WWOX: variants seen among roughly 807,000 people sequenced by gnomAD.
WWOX encodes the protein WW domain-containing oxidoreductase.
In WWOX, 69 loss-of-function variants were observed where a neutral mutation model predicts 46.2. The observed-to-expected ratio is 1.49, with a 90% CI of 1.23 to 1.82. WWOX has a LOEUF of 1.82. Among genes scored for constraint, WWOX ranks in the 40% most tolerant of loss-of-function variants. WWOX has a pLI of 0.00. For synonymous variants in WWOX, 359 were observed against 202.6 expected (o/e 1.77, Z -6.56); for missense variants, 919 against 542.6 (o/e 1.69, Z -6.89).
chr16:78,615,896 G>A (rs558417628), intron 8 of WWOX, among the ~76,000 whole-genome samples: 10 of 151,910 alleles, frequency 6.6e-5, no homozygotes, highest in Middle Eastern at 3.4e-3. Context: ...GACTACAGGC[G>A]CCCGCCACCA....
At chr16:79,081,876 T>C (rs1234670955) in intron 8 of WWOX, among the ~76,000 whole-genome samples, 1 of 152,150 alleles carries the variant, frequency 6.6e-6, no homozygotes, top group Non-Finnish European at 1.5e-5. Context: ...CCCCTTTTTC[T>C]ATCCTAGTTT....
intron 8 of WWOX, among the ~76,000 whole-genome samples, chr16:79,009,731 G>T (rs1397918182): frequency 2.6e-5 from 4 of 152,142 alleles, no homozygotes; most frequent in African/African-American, 9.7e-5. Context: ...GATTACAGGT[G>T]TGAGCCACCG....
At chr16:78,721,186 T>C (rs2048680955) in intron 8 of WWOX, among the ~76,000 whole-genome samples, 1 of 152,300 alleles carries the variant, frequency 6.6e-6, no homozygotes, top group East Asian at 1.9e-4. Flanking sequence ...GCCATAAATA[T>C]ATTATAGGCC....
At chr16:78,909,732 G>T in intron 8 of WWOX, among the ~76,000 whole-genome samples, 1 of 152,242 alleles carries the variant, frequency 6.6e-6, no homozygotes, top group Admixed American at 6.5e-5. Context: ...CATATGCATC[G>T]TATTTTAAAT....
chr16:78,413,264 T>C (rs1213765598), intron 6 of WWOX, among the ~76,000 whole-genome samples: 1 of 151,730 alleles, frequency 6.6e-6, no homozygotes, highest in Admixed American at 6.6e-5. Context: ...GATCTGGGAG[T>C]GCTGATTGTC....
At chr16:78,583,647 G>C (rs2045118603) in intron 8 of WWOX, among the ~76,000 whole-genome samples, 2 of 152,172 alleles carry the variant, frequency 1.3e-5, no homozygotes, top group Admixed American at 1.3e-4. Flanking sequence ...TAATGCAGCT[G>C]CTTTCAATGT....
chr16:78,104,111 G>C (rs1412793897), intron 1 of WWOX, among the ~76,000 whole-genome samples: 4 of 151,888 alleles, frequency 2.6e-5, no homozygotes, highest in Non-Finnish European at 4.4e-5. Flanking sequence ...GCCCTTCCCC[G>C]TGCCTCTTAT....
intron 6 of WWOX, among the ~76,000 whole-genome samples, chr16:78,404,426 G>C (rs938668830): frequency 6.6e-6 from 1 of 152,118 alleles, no homozygotes; most frequent in Non-Finnish European, 1.5e-5. Flanking sequence ...TTTTGGGCGT[G>C]AGAAGCTGAG....
intron 5 of WWOX, among the ~76,000 whole-genome samples, chr16:78,284,182 G>A (rs1266796588): frequency 6.6e-6 from 1 of 152,168 alleles, no homozygotes; most frequent in African/African-American, 2.4e-5. Context: ...TGGACAACCC[G>A]TTCCCATCTG....
At chr16:78,925,104 A>G (rs1458609920) in intron 8 of WWOX, among the ~76,000 whole-genome samples, 1 of 152,146 alleles carries the variant, frequency 6.6e-6, no homozygotes, top group African/African-American at 2.4e-5. Context: ...CTGAGATGGG[A>G]TGATTGGTTG....
intron 8 of WWOX, among the ~76,000 whole-genome samples, chr16:78,665,302 G>A (rs537146913): frequency 1.8e-4 from 28 of 152,154 alleles, no homozygotes; most frequent in Admixed American, 1.7e-3. Flanking sequence ...TTTCAGTTAT[G>A]CATGACACTG....
At chr16:78,268,679 G>T (rs1234591573) in intron 5 of WWOX, among the ~76,000 whole-genome samples, 1 of 152,130 alleles carries the variant, frequency 6.6e-6, no homozygotes, top group Non-Finnish European at 1.5e-5. Flanking sequence ...AGATTGATCA[G>T]TTCTCCACAG....
chr16:78,734,255 C>G (rs991796577), intron 8 of WWOX, among the ~76,000 whole-genome samples: 1 of 151,892 alleles, frequency 6.6e-6, no homozygotes. Flanking sequence ...TTTATAAGTG[C>G]AAGGATTGCA....
chr16:78,130,870 T>C lies in WWOX; in HGVS notation c.409+15716T>C, dbSNP rs576171511. Among the ~76,000 whole-genome samples, 7 of 152,306 alleles carry C rather than the reference T, an allele frequency of 4.6e-5. No homozygotes were observed. The South Asian group carries it at 1.2e-3, about 27-fold the overall frequency. ...TCAGCTTCACTGAATGACAGAGATA[T>C]GATCTGAGAAGTGTGTCAGGCAGTG... On this transcript the variant is annotated intron_variant, in intron 4 of 8. Transcript: ENST00000566780.
Position 78,650,953 on chromosome 16 carries a change from T to C in WWOX, c.1056+218201T>C, listed in dbSNP as rs1248300184. The stretch of plus-strand genomic sequence containing the variant: ...GTTTGGTTTATGTCCTAAAACCTTA[T>C]CGTAATGTGATTCTCCTTAACAGAG... On this transcript the variant is annotated intron_variant, in intron 8 of 8. Coordinates refer to ENST00000566780, the MANE Select transcript of WWOX (RefSeq NM_016373.4). 3.3e-5 allele frequency among the ~76,000 whole-genome samples: 5 copies of C among 152,360 alleles called. No individual in the cohort carries two copies. The South Asian group carries it at 1.0e-3, about 32-fold the overall frequency.
At chr16:78,384,198 A>G (rs758953850) in intron 5 of WWOX, among the ~76,000 whole-genome samples, 2 of 152,032 alleles carry the variant, frequency 1.3e-5, no homozygotes, top group Non-Finnish European at 1.5e-5. Flanking sequence ...CAATTTCTTT[A>G]CCACCCCCTC....
chr16:78,687,129 T>A (rs1408146046), intron 8 of WWOX, among the ~76,000 whole-genome samples: 1 of 152,184 alleles, frequency 6.6e-6, no homozygotes, highest in East Asian at 1.9e-4. Context: ...CATAAAAGGT[T>A]ATACATTGAA....
In WWOX at chr16:78,209,658, C is replaced by A. The variant is rs1430682536; in HGVS notation, c.516+45369C>A. Among the ~76,000 whole-genome samples, 9 of 151,378 alleles carry A rather than the reference C, an allele frequency of 5.9e-5. No homozygotes were observed. In the East Asian group the frequency reaches 1.7e-3, roughly 29 times the overall value. Reference sequence around the variant, plus strand: ...ATACATGTGGAGTCAATTGGGAGTACCTTTTGTATCCTCTAGTCTGAGCCT... The same window carrying A: ...ATACATGTGGAGTCAATTGGGAGTAACTTTTGTATCCTCTAGTCTGAGCCT... On this transcript the variant is annotated intron_variant, in intron 5 of 8. Coordinates refer to ENST00000566780, the MANE Select transcript of WWOX (RefSeq NM_016373.4).
At chr16:78,394,727 G>A (rs2082247582) in intron 6 of WWOX, among the ~76,000 whole-genome samples, 1 of 152,170 alleles carries the variant, frequency 6.6e-6, no homozygotes, top group African/African-American at 2.4e-5. Flanking sequence ...GCCATAGATA[G>A]TATGGAAATG....
Sources: gnomAD v4.1 joint callset for allele counts (sites outside exome capture counted in the v4.1 genomes callset) on GRCh38, gnomAD v4.1.1 for gene constraint, MANE v1.5 for transcripts, NCBI Gene and HGNC (gene_info 2026-07-23, HGNC 2026-07-21) for gene names.